The following CCDC146 variants were observed in gnomAD, a reference collection of about 807,000 sequenced individuals.
CCDC146 encodes coiled-coil domain-containing protein 146.
Under a neutral mutation model 119.3 loss-of-function variants are expected in CCDC146, and 92 were observed. The ratio of observed to expected loss-of-function variants is 0.77; its 90% CI spans 0.65 to 0.92. The LOEUF (loss-of-function observed/expected upper bound fraction) is 0.92. CCDC146 is among the 40% of genes least tolerant of loss of function. The pLI, the probability that CCDC146 is intolerant of heterozygous loss-of-function variation, is 0.00. For synonymous variants in CCDC146, 372 were observed against 371.8 expected (o/e 1.00, Z -0.01); for missense variants, 1,000 against 1,103.0 (o/e 0.91, Z 1.32).
intron 1 of CCDC146, among the ~76,000 whole-genome samples, chr7:77,142,883 A>G (rs1241023609): frequency 6.6e-6 from 1 of 151,822 alleles, no homozygotes; most frequent in African/African-American, 2.4e-5. Context: ...ATATGTGTGC[A>G]TGTGTCTTTA....
At chr7:77,204,204 C>A (rs1183186727) in intron 2 of CCDC146, among the ~76,000 whole-genome samples, 1 of 152,032 alleles carries the variant, frequency 6.6e-6, no homozygotes, top group Non-Finnish European at 1.5e-5. Context: ...ATGTGCTTTT[C>A]TGATAAGAAA....
Position 77,257,324 on chromosome 7 carries a change from C to T in CCDC146, c.684+815C>T, listed in dbSNP as rs567169936. 5 of 152,230 alleles carry T rather than the reference C, an allele frequency of 3.3e-5. No individual in the cohort carries two copies. In the East Asian group the frequency reaches 7.7e-4, roughly 24 times the overall value. 9.4% of individuals were successfully genotyped at this position (152,230 alleles called of 1,614,324 possible). ...CTTTGAAAAATGTATAAATGACTCT[C>T]AAAACAGTTTTAATAACCTAGAGTT... On this transcript the variant is annotated intron_variant, in intron 6 of 18. Transcript: ENST00000285871.
At chr7:77,193,082 T>C (rs942053912) in intron 2 of CCDC146, among the ~76,000 whole-genome samples, 5 of 152,132 alleles carry the variant, frequency 3.3e-5, no homozygotes, top group Admixed American at 3.3e-4. Flanking sequence ...GTACAGACTA[T>C]TCAGATGCGT....
intron 2 of CCDC146, among the ~76,000 whole-genome samples, chr7:77,174,037 A>G (rs1791465810): frequency 6.6e-6 from 1 of 152,012 alleles, no homozygotes. Flanking sequence ...TCTGATCAGG[A>G]TCTACTTCCA....
intron 1 of CCDC146, among the ~76,000 whole-genome samples, chr7:77,152,835 T>C (rs1427718552): frequency 1.3e-5 from 2 of 152,182 alleles, no homozygotes; most frequent in African/African-American, 2.4e-5. Flanking sequence ...ACATTATGTA[T>C]GAAATAAAAA....
intron 3 of CCDC146, 51 bp downstream of exon 3, chr7:77,237,080 A>C: frequency 7.0e-7 from 1 of 1,428,574 alleles, no homozygotes; most frequent in Non-Finnish European, 9.9e-7. Flanking sequence ...TAAATTTCTT[A>C]CTGGTGATGA....
intron 1 of CCDC146, among the ~76,000 whole-genome samples, chr7:77,129,838 T>C (rs1235014096): frequency 6.6e-6 from 1 of 152,196 alleles, no homozygotes; most frequent in African/African-American, 2.4e-5. Flanking sequence ...TTTCCTTTCA[T>C]TCTTCAAACA....
At chr7:77,245,918 GAACT>G (rs530322609) in intron 4 of CCDC146, among the ~76,000 whole-genome samples, 16 of 150,716 alleles carry the variant, frequency 1.1e-4, no homozygotes, top group South Asian at 1.1e-3. Context: ...TATCTTAAAA[GAACT>G]AACTTAGTTA....
At chr7:77,280,699 A>T (rs754022740) in intron 14 of CCDC146, 46 bp downstream of exon 14, 1 of 1,295,584 alleles carries the variant, frequency 7.7e-7, no homozygotes, top group South Asian at 1.3e-5. Flanking sequence ...CCAACTGAGG[A>T]ATGTCACCTC....
intron 5 of CCDC146, among the ~76,000 whole-genome samples, chr7:77,254,891 C>T (rs899153845): frequency 6.6e-6 from 1 of 152,222 alleles, no homozygotes; most frequent in African/African-American, 2.4e-5. Context: ...GCTCTCTGAA[C>T]ATCTCAAGTT....
chr7:77,287,609 C>T lies in CCDC146; in HGVS notation c.2415+32C>T, dbSNP rs766593292. The T allele has an allele frequency of 1.4e-5, 22 of 1,600,862 alleles. No homozygotes were observed. The Admixed American group carries it at 3.8e-4, about 27-fold the overall frequency. ...CTGAGACCCTGCCTTTTCCCTTCTG[C>T]CCCTGCTCCTTTATTACCTTTTATT... On this transcript the variant is annotated intron_variant, in intron 17 of 18. Coordinates refer to ENST00000285871, the MANE Select transcript of CCDC146 (RefSeq NM_020879.3).
At chr7:77,256,605 G>A (rs367934807) in intron 6 of CCDC146, 96 bp downstream of exon 6, 6 of 964,894 alleles carry the variant, frequency 6.2e-6, no homozygotes, top group Admixed American at 5.2e-5. Flanking sequence ...ATAAAGAGGG[G>A]TATTGTCTCA....
chr7:77,204,497 A>G (rs184560775), intron 2 of CCDC146, among the ~76,000 whole-genome samples: 2 of 152,324 alleles, frequency 1.3e-5, no homozygotes, highest in Non-Finnish European at 2.9e-5. Context: ...TGAAAGATCT[A>G]TTATGGGAAT....
At chr7:77,249,419 C>T (rs1032698114) in intron 4 of CCDC146, among the ~76,000 whole-genome samples, 22 of 142,330 alleles carry the variant, frequency 1.5e-4, no homozygotes, top group East Asian at 1.3e-3. Flanking sequence ...ACCCAGGAGG[C>T]GGAGGTTGCA....
At chr7:77,134,563 CTGTGTGTGTGTGTGTGTG>C (rs1554345524) in intron 1 of CCDC146, among the ~76,000 whole-genome samples, 1 of 139,302 alleles carries the variant, frequency 7.2e-6, no homozygotes, top group Non-Finnish European at 1.6e-5. Flanking sequence ...GTGTGTGTGT[CTGTGTGTGTGTGTGTGTG>C]TGTGTGTGTG....
At chr7:77,124,567 G>A (rs1157611303) in intron 1 of CCDC146, among the ~76,000 whole-genome samples, 15 of 152,052 alleles carry the variant, frequency 9.9e-5, no homozygotes, top group South Asian at 2.1e-4. Context: ...CTACCAAAAC[G>A]TCCATTTTCC....
At chr7:77,173,638 G>A (rs1258014785) in intron 2 of CCDC146, among the ~76,000 whole-genome samples, 3 of 152,098 alleles carry the variant, frequency 2.0e-5, no homozygotes, top group Admixed American at 1.3e-4. Flanking sequence ...AAAAACAAAA[G>A]TGATTAAGTG....
chr7:77,123,403 GGTGTGT>G (rs557580080), intron 1 of CCDC146, among the ~76,000 whole-genome samples: 26,296 of 125,308 alleles, frequency 0.21, 2,619 homozygotes, highest in East Asian at 0.43. Flanking sequence ...GACCCTATAA[GGTGTGT>G]GTGTGTGTGT....
chr7:77,130,093 A>T (rs11977399), intron 1 of CCDC146, among the ~76,000 whole-genome samples: 1,830 of 152,258 alleles, frequency 0.012, 49 homozygotes, highest in African/African-American at 0.042. Context: ...CTTAATAAGG[A>T]AATAAAAAAA....
Sources: gnomAD v4.1 joint callset for allele counts (sites outside exome capture counted in the v4.1 genomes callset) on GRCh38, gnomAD v4.1.1 for gene constraint, MANE v1.5 for transcripts, NCBI Gene and HGNC (gene_info 2026-07-23, HGNC 2026-07-21) for gene names.